The following KLF12 variants were observed in gnomAD, a reference collection of about 807,000 sequenced individuals.
KLF12 encodes Krueppel-like factor 12.
KLF12 carries 9 observed loss-of-function variants against 37.8 expected under a neutral mutation model. That is an observed-to-expected ratio of 0.24 (90% CI 0.14 to 0.42). The LOEUF is 0.42. KLF12 is among the 10% of genes least tolerant of loss of function. KLF12 has a pLI of 1.00. For missense variants in KLF12, 411 were observed against 516.0 expected, an observed-to-expected ratio of 0.80 and a Z score of 1.97; for synonymous variants, 208 against 202.1, an observed-to-expected ratio of 1.03 and a Z score of -0.25.
At chr13:73,871,501 T>C (rs1053047881) in intron 3 of KLF12, among the ~76,000 whole-genome samples, 4 of 152,162 alleles carry the variant, frequency 2.6e-5, no homozygotes, top group Admixed American at 2.6e-4. Context: ...AAATGCAGGA[T>C]AAGTCATCAC....
chr13:74,234,765 G>GAGATCTCTTTCC, the KLF12 span, among the ~76,000 whole-genome samples: 5 of 151,946 alleles, frequency 3.3e-5, no homozygotes, highest in Non-Finnish European at 7.4e-5. Flanking sequence ...AAAAGCTTCG[G>GAGATCTCTTTCC]AGATCTCTTT....
At chr13:74,002,013 C>A (rs1449134653) in intron 1 of KLF12, among the ~76,000 whole-genome samples, 2 of 152,164 alleles carry the variant, frequency 1.3e-5, no homozygotes, top group Admixed American at 1.3e-4. Flanking sequence ...AATCAAAGGA[C>A]TTAATAGATT....
chr13:73,707,879 G>A (rs1397283506), intron 7 of KLF12, among the ~76,000 whole-genome samples: 1 of 152,126 alleles, frequency 6.6e-6, no homozygotes, highest in African/African-American at 2.4e-5. Context: ...GAAATGATGA[G>A]GCAAGTAAGA....
chr13:73,841,748 A>G (rs1884746016), intron 4 of KLF12, among the ~76,000 whole-genome samples: 1 of 152,130 alleles, frequency 6.6e-6, no homozygotes, highest in African/African-American at 2.4e-5. Flanking sequence ...TTTTGCACCA[A>G]CGTAATAACA....
chr13:73,736,919 T>G (rs1877506043), intron 6 of KLF12, among the ~76,000 whole-genome samples: 1 of 152,214 alleles, frequency 6.6e-6, no homozygotes, highest in African/African-American at 2.4e-5. Flanking sequence ...CTAGTTTTTA[T>G]TCAAAAAATT....
chr13:73,920,191 T>C (rs1889048253), intron 3 of KLF12, among the ~76,000 whole-genome samples: 1 of 152,228 alleles, frequency 6.6e-6, no homozygotes, highest in Admixed American at 6.5e-5. Flanking sequence ...ATACTTCATG[T>C]ATAAATTACA....
the KLF12 span, among the ~76,000 whole-genome samples, chr13:74,169,873 A>T: frequency 6.6e-5 from 10 of 152,196 alleles, no homozygotes; most frequent in African/African-American, 2.4e-4. Flanking sequence ...CAGGCTTGCT[A>T]ATTAGTTTTA....
intron 5 of KLF12, among the ~76,000 whole-genome samples, chr13:73,784,932 G>A (rs936556308): frequency 5.9e-5 from 9 of 151,498 alleles, no homozygotes; most frequent in African/African-American, 1.5e-4. Flanking sequence ...CACTGCGCCC[G>A]GCCTCATCTC....
intron 2 of KLF12, among the ~76,000 whole-genome samples, chr13:73,964,357 T>C (rs960540733): frequency 2.0e-5 from 3 of 152,186 alleles, no homozygotes; most frequent in African/African-American, 4.8e-5. Flanking sequence ...GCATCTCCCA[T>C]TGTTTACAGA....
chr13:73,838,995 T>C (rs1021946807), intron 4 of KLF12, among the ~76,000 whole-genome samples: 3 of 152,130 alleles, frequency 2.0e-5, no homozygotes, highest in Non-Finnish European at 4.4e-5. Flanking sequence ...CTCCCAGGCA[T>C]CAAGGTTACC....
At chr13:73,932,180 T>C (rs1889717240) in intron 3 of KLF12, among the ~76,000 whole-genome samples, 1 of 152,220 alleles carries the variant, frequency 6.6e-6, no homozygotes, top group Admixed American at 6.5e-5. Flanking sequence ...GACAAGAATA[T>C]GGCAATGAAA....
chr13:74,233,385 A>G, the KLF12 span, among the ~76,000 whole-genome samples: 1 of 152,314 alleles, frequency 6.6e-6, no homozygotes, highest in African/African-American at 2.4e-5. Flanking sequence ...AACTCCCAAC[A>G]GGAGCTTATG....
intron 7 of KLF12, among the ~76,000 whole-genome samples, chr13:73,710,854 C>T (rs1209603804): frequency 1.3e-5 from 2 of 152,180 alleles, no homozygotes; most frequent in African/African-American, 4.8e-5. Context: ...CTTAGCGAGT[C>T]AGGCACTTCG....
At chr13:74,167,483 A>C in the KLF12 span, among the ~76,000 whole-genome samples, 1 of 152,358 alleles carries the variant, frequency 6.6e-6, no homozygotes, top group South Asian at 2.1e-4. Context: ...ATTTTTAAAA[A>C]TCTACTTTCC....
intron 3 of KLF12, among the ~76,000 whole-genome samples, chr13:73,878,987 G>A (rs963718700): frequency 2.6e-5 from 4 of 152,146 alleles, no homozygotes; most frequent in African/African-American, 7.2e-5. Flanking sequence ...TTTGAATAGA[G>A]GGCTGATATG....
chr13:73,881,710 T>C (rs1209899061), intron 3 of KLF12, among the ~76,000 whole-genome samples: 6 of 152,192 alleles, frequency 3.9e-5, no homozygotes, highest in African/African-American at 1.4e-4. Flanking sequence ...AGCTAAAAAG[T>C]ACCCGCTGTA....
At chr13:74,142,221 C>G in the KLF12 span, among the ~76,000 whole-genome samples, 5 of 152,176 alleles carry the variant, frequency 3.3e-5, no homozygotes, top group African/African-American at 4.8e-5. Flanking sequence ...TATGGCTTAT[C>G]CTTCCACTCC....
intron 7 of KLF12, among the ~76,000 whole-genome samples, chr13:73,712,635 A>C (rs982972113): frequency 2.0e-5 from 3 of 152,242 alleles, no homozygotes; most frequent in Admixed American, 2.0e-4. Context: ...CACAGGCTAC[A>C]GGGAAATCTT....
At chr13:73,968,100 G>C (rs1186858255) in intron 2 of KLF12, among the ~76,000 whole-genome samples, 1 of 152,150 alleles carries the variant, frequency 6.6e-6, no homozygotes, top group African/African-American at 2.4e-5. Flanking sequence ...GAATGATCCT[G>C]GATAAGTCAC....
Sources: gnomAD v4.1 joint callset for allele counts (sites outside exome capture counted in the v4.1 genomes callset) on GRCh38, gnomAD v4.1.1 for gene constraint, MANE v1.5 for transcripts, NCBI Gene and HGNC (gene_info 2026-07-23, HGNC 2026-07-21) for gene names.